The following ZNF804A variants were observed in gnomAD, a reference collection of about 807,000 sequenced individuals.
ZNF804A encodes zinc finger protein 804A.
A neutral mutation model predicts 16.5 loss-of-function variants in ZNF804A; 2 were observed. The ratio of observed to expected loss-of-function variants is 0.12; its 90% CI spans 0.05 to 0.38. The LOEUF is 0.38. ZNF804A is among the 10% of genes least tolerant of loss of function. The pLI is 0.99. For missense variants in ZNF804A, 1,473 were observed against 1,390.7 expected (o/e 1.06, Z -0.94); for synonymous variants, 534 against 489.6 (o/e 1.09, Z -1.20).
chr2:184,614,588 G>A (rs971296440), intron 1 of ZNF804A, among the ~76,000 whole-genome samples: 1 of 152,154 alleles, frequency 6.6e-6, no homozygotes, highest in African/African-American at 2.4e-5. Flanking sequence ...TAATGACACT[G>A]CCTTTAACTC....
intron 1 of ZNF804A, among the ~76,000 whole-genome samples, chr2:184,806,013 G>C (rs1055995168): frequency 6.6e-6 from 1 of 151,682 alleles, no homozygotes; most frequent in Non-Finnish European, 1.5e-5. Flanking sequence ...AATAATCTCC[G>C]AACCAAACAA....
At chr2:184,674,725 T>C (rs1692393208) in intron 1 of ZNF804A, among the ~76,000 whole-genome samples, 1 of 151,766 alleles carries the variant, frequency 6.6e-6, no homozygotes, top group South Asian at 2.1e-4. Flanking sequence ...TACATGTTTT[T>C]CTGAATTAGA....
intron 1 of ZNF804A, among the ~76,000 whole-genome samples, chr2:184,773,486 A>T (rs1458616432): frequency 6.6e-6 from 1 of 152,022 alleles, no homozygotes; most frequent in African/African-American, 2.4e-5. Context: ...GGTCTAAGGA[A>T]ATAATGGCAT....
intron 1 of ZNF804A, among the ~76,000 whole-genome samples, chr2:184,641,030 C>T (rs1691788362): frequency 6.6e-6 from 1 of 152,160 alleles, no homozygotes; most frequent in Admixed American, 6.5e-5. Context: ...TCTTGGCTCA[C>T]TGCAACCTCC....
At chr2:184,693,782 T>C (rs1278256727) in intron 1 of ZNF804A, among the ~76,000 whole-genome samples, 1 of 152,206 alleles carries the variant, frequency 6.6e-6, no homozygotes, top group African/African-American at 2.4e-5. Flanking sequence ...TTCCTGGATT[T>C]ATTCTCGCTT....
intron 1 of ZNF804A, among the ~76,000 whole-genome samples, chr2:184,858,788 A>G (rs1286434143): frequency 6.6e-6 from 1 of 152,132 alleles, no homozygotes; most frequent in African/African-American, 2.4e-5. Flanking sequence ...TTACACTTTC[A>G]TATGTTTCAT....
At chr2:184,691,336 C>A (rs1489104994) in intron 1 of ZNF804A, among the ~76,000 whole-genome samples, 1 of 151,902 alleles carries the variant, frequency 6.6e-6, no homozygotes, top group African/African-American at 2.4e-5. Flanking sequence ...ACTACCAATT[C>A]TAGAATAAGT....
At chr2:184,777,325 A>C (rs938035621) in intron 1 of ZNF804A, among the ~76,000 whole-genome samples, 3 of 151,680 alleles carry the variant, frequency 2.0e-5, no homozygotes, top group African/African-American at 7.2e-5. Flanking sequence ...TCAGTGTCTT[A>C]GTTTACACTG....
chr2:184,926,507 G>A (rs113696648), intron 2 of ZNF804A, among the ~76,000 whole-genome samples: 1 of 151,950 alleles, frequency 6.6e-6, no homozygotes, highest in South Asian at 2.1e-4. Context: ...TCTTCATGGT[G>A]TTCTATAACC....
rs1574127369 is a variant in ZNF804A, at chr2:184,604,263, C to T, written c.111+5193C>T. ...TCGGCTCACTGCAAGCTCCGCCTCC[C>T]GGGTTCACGCCATTCTCCTGCCTCA... On this transcript the variant is annotated intron_variant, in intron 1 of 3. Transcript: ENST00000302277. Among the ~76,000 whole-genome samples, 5 of 142,984 alleles carry T rather than the reference C, an allele frequency of 3.5e-5. 1 individual carries two copies. The Admixed American group carries it at 3.8e-4, about 11-fold the overall frequency. The allele number at this position is 142,984 out of a possible 152,430, so 93.8% of individuals were successfully genotyped here.
At chr2:184,851,948 T>C (rs948795608) in intron 1 of ZNF804A, among the ~76,000 whole-genome samples, 2 of 151,870 alleles carry the variant, frequency 1.3e-5, no homozygotes, top group African/African-American at 4.8e-5. Flanking sequence ...ATACTGAGCA[T>C]TTTGTTTCAT....
In ZNF804A at chr2:184,817,140, A is replaced by G. The variant is rs896458796; in HGVS notation, c.112-49229A>G. 2.0e-5 allele frequency among the ~76,000 whole-genome samples: 3 copies of G among 152,030 alleles called. No homozygotes were observed. The East Asian group carries it at 5.8e-4, about 29-fold the overall frequency. On this transcript the variant is annotated intron_variant, in intron 1 of 3. Transcript: ENST00000302277. ...CATGGTAGTGAAGATATAAAGTGGG[A>G]AGATGAATAGAGAGATAATCAGTAC...
rs1043967478 is a variant in ZNF804A at position 184,883,876 on chromosome 2, C to T, written c.255+17364C>T. ...AATAGGCAAATGCTGGAAACATTCC[C>T]ATTGAAATCTGGAAGAAGACAAGGA... On this transcript the variant is annotated intron_variant, in intron 2 of 3. Coordinates refer to ENST00000302277, the MANE Select transcript of ZNF804A (RefSeq NM_194250.2). Among the ~76,000 whole-genome samples, 7 of 152,142 alleles carry T rather than the reference C, an allele frequency of 4.6e-5. 1 individual carries two copies. Among genetic ancestry groups the T allele is most frequent in the Admixed American group, 4.6e-4 (7 of 15,272 alleles).
chr2:184,828,026 T>G (rs540179546), intron 1 of ZNF804A, among the ~76,000 whole-genome samples: 1 of 151,966 alleles, frequency 6.6e-6, no homozygotes, highest in South Asian at 2.1e-4. Flanking sequence ...AAAAATTACA[T>G]AAAACATCAT....
At chr2:184,819,178 C>G (rs915888450) in intron 1 of ZNF804A, among the ~76,000 whole-genome samples, 7 of 151,922 alleles carry the variant, frequency 4.6e-5, no homozygotes, top group Non-Finnish European at 7.4e-5. Flanking sequence ...AAGTAAAACA[C>G]TCCTCAGCAA....
chr2:184,833,984 G>A lies in ZNF804A; in HGVS notation c.112-32385G>A, dbSNP rs149512391. ...ATTTTTGGGCAGATATTTTGAGACCGTGTAGATTTCAATTTTATATTAAAC... is the reference window on the plus strand; with the variant it reads ...ATTTTTGGGCAGATATTTTGAGACCATGTAGATTTCAATTTTATATTAAAC... On this transcript the variant is annotated intron_variant, in intron 1 of 3. Transcript: ENST00000302277. Among the ~76,000 whole-genome samples the A allele has an allele frequency of 2.3e-3, 347 of 152,124 alleles. 2 individuals are homozygous for A. The highest frequency in any genetic ancestry group is 6.8e-3 in the Middle Eastern group (2 of 294).
intron 2 of ZNF804A, among the ~76,000 whole-genome samples, chr2:184,878,685 G>A (rs945017818): frequency 1.3e-5 from 2 of 151,780 alleles, no homozygotes; most frequent in South Asian, 2.1e-4. Context: ...GGATGGCTCA[G>A]GTAAACATGA....
chr2:184,713,089 G>A (rs1157288295), intron 1 of ZNF804A, among the ~76,000 whole-genome samples: 2 of 151,350 alleles, frequency 1.3e-5, no homozygotes, highest in East Asian at 3.9e-4. Flanking sequence ...TTTGTTCCTT[G>A]TGGCTTTCCA....
At chr2:184,656,109 C>T (rs1692070312) in intron 1 of ZNF804A, among the ~76,000 whole-genome samples, 1 of 151,966 alleles carries the variant, frequency 6.6e-6, no homozygotes, top group East Asian at 1.9e-4. Flanking sequence ...TGTGTTCTGT[C>T]ATTAGTTTTC....
Sources: allele counts gnomAD v4.1 joint callset (sites outside exome capture counted in the v4.1 genomes callset), GRCh38; gene constraint gnomAD v4.1.1; transcripts MANE v1.5; gene names NCBI Gene and HGNC (gene_info 2026-07-23, HGNC 2026-07-21).